MITF: variants seen among roughly 807,000 people sequenced by gnomAD.
MITF encodes microphthalmia-associated transcription factor.
A neutral mutation model predicts 60.5 loss-of-function variants in MITF; 17 were observed. The observed-to-expected ratio is 0.28, with a 90% CI of 0.19 to 0.42. MITF has a LOEUF of 0.42. Ranked by LOEUF, MITF falls within the 10% of genes least tolerant of loss-of-function variation. MITF has a pLI of 1.00. For missense variants in MITF, 622 were observed against 683.5 expected (o/e 0.91, Z 1.00); for synonymous variants, 260 against 248.5 (o/e 1.05, Z -0.43).
At chr3:69,946,322 A>G (rs1559740252) in intron 5 of MITF, among the ~76,000 whole-genome samples, 1 of 152,182 alleles carries the variant, frequency 6.6e-6, no homozygotes, top group Non-Finnish European at 1.5e-5. Context: ...TAATCGGTAA[A>G]TTGGAGTATC....
At chr3:69,932,384 AT>A (rs1442088289) in intron 2 of MITF, among the ~76,000 whole-genome samples, 2 of 151,572 alleles carry the variant, frequency 1.3e-5, no homozygotes, top group African/African-American at 2.4e-5. Flanking sequence ...TCTTCTTTTC[AT>A]TTTTTTTCAA....
At chr3:69,758,945 A>G (rs901830284) in intron 1 of MITF, among the ~76,000 whole-genome samples, 1 of 152,194 alleles carries the variant, frequency 6.6e-6, no homozygotes, top group Non-Finnish European at 1.5e-5. Context: ...TAATATGTAA[A>G]ATGACTGGCA....
intron 9 of MITF, among the ~76,000 whole-genome samples, chr3:69,964,422 C>T (rs1211949879): frequency 7.4e-6 from 1 of 135,954 alleles, no homozygotes; most frequent in African/African-American, 2.8e-5. Flanking sequence ...TACTTTAGAA[C>T]ATACAGAGCT....
chr3:69,783,134 A>T (rs1489461769), intron 1 of MITF, among the ~76,000 whole-genome samples: 1 of 152,148 alleles, frequency 6.6e-6, no homozygotes, highest in Non-Finnish European at 1.5e-5. Context: ...TTGGAGTGAT[A>T]TTCCAGTTCA....
chr3:69,869,867 G>A (rs150174984), intron 1 of MITF, among the ~76,000 whole-genome samples: 13 of 152,088 alleles, frequency 8.5e-5, no homozygotes, highest in African/African-American at 1.2e-4. Context: ...CCTCCTGCTC[G>A]TATGACTCAC....
At chr3:69,836,415 C>T (rs914935380) in intron 1 of MITF, among the ~76,000 whole-genome samples, 5 of 152,090 alleles carry the variant, frequency 3.3e-5, no homozygotes, top group Admixed American at 6.5e-5. Context: ...TTATGGTTTT[C>T]CTGAAACTCA....
chr3:69,798,411 T>C (rs901027265), intron 1 of MITF, among the ~76,000 whole-genome samples: 1 of 152,234 alleles, frequency 6.6e-6, no homozygotes, highest in Non-Finnish European at 1.5e-5. Flanking sequence ...GTTCATACTA[T>C]TTATCATTCA....
intron 1 of MITF, among the ~76,000 whole-genome samples, chr3:69,747,033 A>T (rs1323764497): frequency 2.6e-5 from 4 of 152,174 alleles, no homozygotes; most frequent in Non-Finnish European, 4.4e-5. Flanking sequence ...TGGAGTGTTC[A>T]CCTGAGACCC....
intron 2 of MITF, among the ~76,000 whole-genome samples, chr3:69,917,506 G>T (rs1186641814): frequency 6.6e-6 from 1 of 151,632 alleles, no homozygotes; most frequent in Non-Finnish European, 1.5e-5. Context: ...AAATCAGAAG[G>T]CTTGGGGAAA....
chr3:69,743,300 ATTTG>A (rs1428086669), intron 1 of MITF, among the ~76,000 whole-genome samples: 2 of 152,192 alleles, frequency 1.3e-5, no homozygotes, highest in Non-Finnish European at 2.9e-5. Context: ...CACAATAAAT[ATTTG>A]TTTGAGTATG....
intron 2 of MITF, among the ~76,000 whole-genome samples, chr3:69,921,855 C>A (rs1179624050): frequency 2.6e-5 from 4 of 152,122 alleles, no homozygotes; most frequent in Non-Finnish European, 5.9e-5. Flanking sequence ...AACACTGGGA[C>A]GAAAGAGTCT....
intron 2 of MITF, among the ~76,000 whole-genome samples, chr3:69,925,933 G>A (rs540957348): frequency 6.6e-6 from 1 of 152,066 alleles, no homozygotes; most frequent in South Asian, 2.1e-4. Flanking sequence ...TCCTTTGTTG[G>A]TTCATTACTC....
chr3:69,894,182 A>G (rs1348381522), intron 2 of MITF, among the ~76,000 whole-genome samples: 5 of 152,360 alleles, frequency 3.3e-5, no homozygotes, highest in South Asian at 2.1e-4. Flanking sequence ...GGTTCAAAAT[A>G]CATTTAATCA....
At chr3:69,832,396 T>C (rs2063464284) in intron 1 of MITF, among the ~76,000 whole-genome samples, 1 of 152,212 alleles carries the variant, frequency 6.6e-6, no homozygotes. Context: ...AGAAAGTAGA[T>C]GCCAAACATC....
chr3:69,800,472 C>T (rs2062901598), intron 1 of MITF, among the ~76,000 whole-genome samples: 1 of 152,084 alleles, frequency 6.6e-6, no homozygotes, highest in African/African-American at 2.4e-5. Flanking sequence ...ATGGCTGGGT[C>T]ACATGATTAA....
intron 1 of MITF, among the ~76,000 whole-genome samples, chr3:69,803,926 G>C (rs1406408444): frequency 6.6e-6 from 1 of 151,750 alleles, no homozygotes; most frequent in South Asian, 2.1e-4. Flanking sequence ...TATAGTCACC[G>C]CAAATTAGCT....
At chr3:69,943,072 CTTTTT>C (rs781031439) in intron 5 of MITF, among the ~76,000 whole-genome samples, 1 of 124,924 alleles carries the variant, frequency 8.0e-6, no homozygotes. Context: ...TTAGCCTCCT[CTTTTT>C]TTTTTTTTTT....
chr3:69,919,581 CTCTT>C (rs1174835937), intron 2 of MITF, among the ~76,000 whole-genome samples: 3 of 152,082 alleles, frequency 2.0e-5, no homozygotes, highest in Admixed American at 6.5e-5. Flanking sequence ...TTCCTTCTAA[CTCTT>C]TATTATGGAA....
intron 1 of MITF, among the ~76,000 whole-genome samples, chr3:69,776,185 C>T (rs2062470618): frequency 6.6e-6 from 1 of 152,172 alleles, no homozygotes; most frequent in African/African-American, 2.4e-5. Context: ...AACTGTGTGA[C>T]CCTGGGCCAC....
Sources: gnomAD v4.1 joint callset for allele counts (sites outside exome capture counted in the v4.1 genomes callset) on GRCh38, gnomAD v4.1.1 for gene constraint, MANE v1.5 for transcripts, NCBI Gene and HGNC (gene_info 2026-07-23, HGNC 2026-07-21) for gene names.